The following ASTN2 variants were observed in gnomAD, a reference collection of about 807,000 sequenced individuals.
ASTN2 encodes astrotactin 2.
In ASTN2, 54 loss-of-function variants were observed where a neutral mutation model predicts 139.8. The observed-to-expected ratio is 0.39, with a 90% CI of 0.31 to 0.48. The LOEUF is 0.48. Ranked by LOEUF, ASTN2 falls within the 20% of genes least tolerant of loss-of-function variation. The pLI is 0.95. For synonymous variants in ASTN2, 756 were observed against 719.5 expected, an observed-to-expected ratio of 1.05 and a Z score of -0.81; for missense variants, 1,565 against 1,725.1, an observed-to-expected ratio of 0.91 and a Z score of 1.64.
chr9:117,225,429 G>T (rs1375139311), intron 2 of ASTN2, among the ~76,000 whole-genome samples: 4 of 150,742 alleles, frequency 2.7e-5, no homozygotes, highest in Non-Finnish European at 4.4e-5. Context: ...AAAATATACA[G>T]ATGGGCCAGG....
chr9:117,225,533 A>ATGTG (rs1365341609), intron 2 of ASTN2, among the ~76,000 whole-genome samples: 19 of 55,560 alleles, frequency 3.4e-4, no homozygotes, highest in African/African-American at 1.2e-3. Context: ...GCCAAGCTGT[A>ATGTG]TGTATATATA....
At chr9:116,601,849 G>A (rs1016432517) in intron 19 of ASTN2, among the ~76,000 whole-genome samples, 3 of 152,174 alleles carry the variant, frequency 2.0e-5, no homozygotes, top group Non-Finnish European at 4.4e-5. Context: ...ATGAGGTGGA[G>A]ACCCAAATGT....
chr9:116,813,711 G>T (rs7030421), intron 12 of ASTN2, among the ~76,000 whole-genome samples: 71,088 of 151,922 alleles, frequency 0.47, 16,868 homozygotes, highest in East Asian at 0.66. Flanking sequence ...GAAACTTTTT[G>T]AAAATAAGGA....
At chr9:117,128,188 A>G (rs1564440110) in intron 4 of ASTN2, among the ~76,000 whole-genome samples, 2 of 152,076 alleles carry the variant, frequency 1.3e-5, no homozygotes, top group East Asian at 1.9e-4. Flanking sequence ...ATTCTGGCCA[A>G]CATGGTGAAA....
At chr9:116,944,872 T>C (rs1228681573) in intron 10 of ASTN2, among the ~76,000 whole-genome samples, 1 of 152,022 alleles carries the variant, frequency 6.6e-6, no homozygotes, top group African/African-American at 2.4e-5. Context: ...AGTTAGGATG[T>C]GTTTGGCCTA....
chr9:116,959,291 C>A (rs997237664), intron 10 of ASTN2, among the ~76,000 whole-genome samples: 3 of 152,034 alleles, frequency 2.0e-5, no homozygotes, highest in Non-Finnish European at 4.4e-5. Context: ...GTGTTCTAGG[C>A]AGAAGGACAA....
rs148572159 is a variant in ASTN2, at chr9:117,304,254, G to A, written c.443-12741C>T. Reference sequence around the variant, plus strand: ...CAGCAATAGCTAACTGGAAGATGCCGCCTCCTTTATGCAGCATCCCCCCTC... The same window carrying A: ...CAGCAATAGCTAACTGGAAGATGCCACCTCCTTTATGCAGCATCCCCCCTC... On this transcript the variant is annotated intron_variant, in intron 1 of 22. Transcript: ENST00000313400. 1.4e-4 allele frequency among the ~76,000 whole-genome samples: 22 copies of A among 152,252 alleles called. No individual in the cohort carries two copies. The South Asian group carries it at 1.7e-3, about 11-fold the overall frequency.
chr9:116,440,880 G>A (rs1434254229), intron 21 of ASTN2, 88 bp from the exon 22 acceptor site: 2 of 1,350,144 alleles, frequency 1.5e-6, no homozygotes, highest in Non-Finnish European at 2.0e-6. Context: ...AAGGCACAGT[G>A]GTGAGAAAGT....
chr9:116,881,613 C>T (rs1165714947), intron 10 of ASTN2, among the ~76,000 whole-genome samples: 1 of 152,220 alleles, frequency 6.6e-6, no homozygotes, highest in African/African-American at 2.4e-5. Context: ...AGTGTAAATT[C>T]CCTTTTACTG....
chr9:116,871,561 A>G (rs1308394076), intron 10 of ASTN2, among the ~76,000 whole-genome samples: 1 of 152,198 alleles, frequency 6.6e-6, no homozygotes, highest in African/African-American at 2.4e-5. Flanking sequence ...TAAGTTATAC[A>G]TTATGTAGCC....
At chr9:117,240,312 C>A (rs565320374) in intron 2 of ASTN2, among the ~76,000 whole-genome samples, 1 of 152,214 alleles carries the variant, frequency 6.6e-6, no homozygotes, top group Non-Finnish European at 1.5e-5. Context: ...ATTTGAATCC[C>A]AAAAACCTGT....
At chr9:116,814,528 T>C (rs188408989) in intron 12 of ASTN2, among the ~76,000 whole-genome samples, 84 of 152,076 alleles carry the variant, frequency 5.5e-4, no homozygotes, top group Non-Finnish European at 5.3e-4. Flanking sequence ...ACACTCTCAG[T>C]TTACATAACA....
chr9:117,241,474 T>A (rs1014307597), intron 2 of ASTN2, among the ~76,000 whole-genome samples: 3 of 152,140 alleles, frequency 2.0e-5, no homozygotes, highest in Non-Finnish European at 2.9e-5. Flanking sequence ...AATTTTTCCA[T>A]GGACTTATGG....
At chr9:117,161,141 T>C (rs986409110) in intron 3 of ASTN2, among the ~76,000 whole-genome samples, 1 of 152,016 alleles carries the variant, frequency 6.6e-6, no homozygotes, top group African/African-American at 2.4e-5. Flanking sequence ...TGTTAAAGCA[T>C]CTGACACAAA....
chr9:116,688,179 G>A (rs1860370073), intron 16 of ASTN2, among the ~76,000 whole-genome samples: 1 of 151,988 alleles, frequency 6.6e-6, no homozygotes, highest in Non-Finnish European at 1.5e-5. Flanking sequence ...ATCTGAGTCC[G>A]AGGGATTTGG....
chr9:117,158,850 T>A (rs1830485587), intron 3 of ASTN2, among the ~76,000 whole-genome samples: 1 of 151,992 alleles, frequency 6.6e-6, no homozygotes, highest in Non-Finnish European at 1.5e-5. Context: ...GTAAGTCAAA[T>A]CCTTGTGGTC....
At position 117,407,414 on chromosome 9, in the gene ASTN2, C is replaced by T. The variant is rs147802325; in HGVS notation, c.442+7083G>A. ...AAGACTAGAGGTAGACAGATCAGTG[C>T]GTTGACTGTTGTAATTGTAGTAGAG... On this transcript the variant is annotated intron_variant, in intron 1 of 22. Transcript: ENST00000313400. Among the ~76,000 whole-genome samples the T allele has an allele frequency of 7.2e-5, 11 of 152,292 alleles. No homozygotes were observed. The East Asian group carries it at 1.7e-3, about 24-fold the overall frequency.
At chr9:116,740,877 A>G (rs1409487047) in intron 13 of ASTN2, among the ~76,000 whole-genome samples, 1 of 151,008 alleles carries the variant, frequency 6.6e-6, no homozygotes, top group Non-Finnish European at 1.5e-5. Flanking sequence ...AATCTCTCCA[A>G]GGATCTCAGA....
At chr9:117,397,676 T>C (rs1479286089) in intron 1 of ASTN2, among the ~76,000 whole-genome samples, 1 of 152,206 alleles carries the variant, frequency 6.6e-6, no homozygotes, top group African/African-American at 2.4e-5. Context: ...ATGTTTACGG[T>C]GCGTCTATTA....
Sources: gnomAD v4.1 joint callset for allele counts (sites outside exome capture counted in the v4.1 genomes callset) on GRCh38, gnomAD v4.1.1 for gene constraint, MANE v1.5 for transcripts, NCBI Gene and HGNC (gene_info 2026-07-23, HGNC 2026-07-21) for gene names.